The following JAKMIP3 variants were observed in gnomAD, a reference collection of about 807,000 sequenced individuals.
The protein encoded by JAKMIP3 is Janus kinase and microtubule interacting protein 3.
In JAKMIP3, 58 loss-of-function variants were observed where a neutral mutation model predicts 118.5. That is an observed-to-expected ratio of 0.49 (90% CI 0.40 to 0.61). The LOEUF (loss-of-function observed/expected upper bound fraction) is 0.61, where lower values mean the gene tolerates loss of function less well. Ranked by LOEUF, JAKMIP3 falls within the 20% of genes least tolerant of loss-of-function variation. The pLI is 0.00. For synonymous variants in JAKMIP3, 486 were observed against 451.2 expected (o/e 1.08, Z -0.98); for missense variants, 950 against 1,109.0 (o/e 0.86, Z 2.04).
chr10:132,159,717 T>TG (rs1554955251), intron 19 of JAKMIP3, among the ~76,000 whole-genome samples: 3 of 99,996 alleles, frequency 3.0e-5, no homozygotes, highest in African/African-American at 8.2e-5. Context: ...TGTGTGATGC[T>TG]GGGGGCATGT....
rs2056924543 is a variant in JAKMIP3, at chr10:132,155,135, G to A, written c.2220+1145G>A. Among the ~76,000 whole-genome samples the A allele has an allele frequency of 2.1e-5, 3 of 141,044 alleles. No individual in the cohort carries two copies. In the South Asian group the frequency reaches 7.3e-4, roughly 34 times the overall value. 92.5% of individuals were successfully genotyped at this position (141,044 alleles called of 152,430 possible). A position where few individuals can be genotyped will look rare whatever the true frequency, so the allele number is the denominator to read the frequency against. ...TGATGGTCATGATGATGGTGATGGTGGTGATATGGTGGTGATGATCATGAC... is the reference window on the plus strand; with the variant it reads ...TGATGGTCATGATGATGGTGATGGTAGTGATATGGTGGTGATGATCATGAC... On this transcript the variant is annotated intron_variant, in intron 19 of 23. Transcript: ENST00000684848.
chr10:132,134,803 T>G (rs766150758), intron 4 of JAKMIP3, among the ~76,000 whole-genome samples: 6 of 152,228 alleles, frequency 3.9e-5, no homozygotes, highest in Non-Finnish European at 7.3e-5. Context: ...TTAAAATAGT[T>G]GTGTGTGAGG....
chr10:132,081,770 G>A (rs139381787), intron 1 of JAKMIP3, among the ~76,000 whole-genome samples: 1 of 151,910 alleles, frequency 6.6e-6, no homozygotes, highest in Non-Finnish European at 1.5e-5. Flanking sequence ...AGGAGTCTTG[G>A]GGGGAGACGT....
chr10:132,105,537 A>T (rs2045769686), intron 2 of JAKMIP3, among the ~76,000 whole-genome samples: 1 of 124,154 alleles, frequency 8.1e-6, no homozygotes, highest in East Asian at 2.6e-4. Context: ...GCTGGCAGCC[A>T]AGGGGGTGGG....
chr10:132,142,965 C>T (rs535663004), intron 11 of JAKMIP3, among the ~76,000 whole-genome samples: 32 of 152,282 alleles, frequency 2.1e-4, no homozygotes, highest in Admixed American at 5.9e-4. Flanking sequence ...CACAGAGCAT[C>T]CCCAGCGTGG....
intron 5 of JAKMIP3, among the ~76,000 whole-genome samples, chr10:132,135,613 C>T (rs1022778858): frequency 6.6e-6 from 1 of 152,262 alleles, no homozygotes; most frequent in Non-Finnish European, 1.5e-5. Flanking sequence ...TGCTGGTCTT[C>T]ATCTTCATCC....
At chr10:132,084,272 C>T (rs539030998) in intron 1 of JAKMIP3, among the ~76,000 whole-genome samples, 2 of 152,170 alleles carry the variant, frequency 1.3e-5, no homozygotes, top group African/African-American at 4.8e-5. Context: ...TAGGTGTATT[C>T]CTAAGTATTT....
At chr10:132,145,030 T>C in intron 11 of JAKMIP3, 77 bp from the exon 12 acceptor site, 1 of 1,208,192 alleles carries the variant, frequency 8.3e-7, no homozygotes, top group Non-Finnish European at 1.2e-6. Flanking sequence ...CAGACCCTTC[T>C]GACGTCCCAC....
chr10:132,148,140 G>A, intron 14 of JAKMIP3, 90 bp downstream of exon 14: 1 of 673,166 alleles, frequency 1.5e-6, no homozygotes, highest in Non-Finnish European at 2.5e-6. Context: ...CCCTGAACAT[G>A]AACATGAACA....
intron 19 of JAKMIP3, among the ~76,000 whole-genome samples, chr10:132,158,700 G>A (rs2136324794): frequency 3.2e-5 from 4 of 124,444 alleles, no homozygotes; most frequent in South Asian, 6.2e-4. Flanking sequence ...ATCTTCCTGT[G>A]TGATGCTGTG....
chr10:132,149,434 C>A lies in JAKMIP3; in HGVS notation c.1871C>A (p.Ala624Asp). The A allele has an allele frequency of 6.2e-7, 1 of 1,605,204 alleles. No individual in the cohort carries two copies. Among genetic ancestry groups the A allele is most frequent in the Non-Finnish European group, 8.5e-7 (1 of 1,176,632 alleles). The change falls in exon 15 of 24, where the codon GCC (alanine) becomes GAC (aspartate). Residue 624 changes from alanine to aspartate, a missense_variant. Physicochemically the swap from Ala to Asp is moderately radical, Grantham distance 126 (BLOSUM62 -2). Transcript: ENST00000684848. ...ELEERERKSP[A>D]ISFHHTPFVD... ...TAGGAGAGGGAGAGGAAGTCACCCGCCATCAGCTTCCACCACACGCCCTTC... is the reference window on the plus strand; with the variant it reads ...TAGGAGAGGGAGAGGAAGTCACCCGACATCAGCTTCCACCACACGCCCTTC...
At position 132,112,380 on chromosome 10, in the gene JAKMIP3, A is replaced by T. The variant is rs1208594635; in HGVS notation, c.136-4697A>T. Among the ~76,000 whole-genome samples, 1 of 152,154 alleles carries T rather than the reference A, an allele frequency of 6.6e-6. No homozygotes were observed. The highest frequency in any genetic ancestry group is 1.9e-4 in the East Asian group (1 of 5,198). On this transcript the variant is annotated intron_variant, in intron 2 of 23. Coordinates refer to ENST00000684848, the MANE Select transcript of JAKMIP3 (RefSeq NM_001323087.2). This position sits in a 1 kb window ranked among gnomAD's most constrained non-coding sequence, Gnocchi z 4.3. ...CTGGGCACTCGGCTCGTCAGCTGGG[A>T]AGCCCAGAGAGGGCAGCGAGGAGGC...
chr10:132,041,473 G>A (rs773536015), intron 1 of JAKMIP3, among the ~76,000 whole-genome samples: 6 of 152,246 alleles, frequency 3.9e-5, no homozygotes, highest in Non-Finnish European at 7.3e-5. Context: ...CCCCGGACGG[G>A]CACAGCGGTA....
At chr10:132,058,288 C>G (rs1416811764) in intron 1 of JAKMIP3, among the ~76,000 whole-genome samples, 1 of 152,226 alleles carries the variant, frequency 6.6e-6, no homozygotes, top group Non-Finnish European at 1.5e-5. Flanking sequence ...CAGAGCTGAT[C>G]TCTGATGTGG....
chr10:132,162,880 A>C (rs1310211011), intron 19 of JAKMIP3, among the ~76,000 whole-genome samples: 1 of 151,856 alleles, frequency 6.6e-6, no homozygotes, highest in African/African-American at 2.4e-5. Context: ...GCTCCCTCCC[A>C]CCTTGCTGTA....
chr10:132,163,087 C>G, intron 19 of JAKMIP3, 122 bp from the exon 20 acceptor site: 1 of 941,204 alleles, frequency 1.1e-6, no homozygotes. Flanking sequence ...CTGGGTCCCT[C>G]CCTGTTGCAT....
intron 1 of JAKMIP3, among the ~76,000 whole-genome samples, chr10:132,075,564 C>T (rs144785006): frequency 0.015 from 2,353 of 152,140 alleles, 68 homozygotes; most frequent in African/African-American, 0.054. Flanking sequence ...CATGCACCAC[C>T]ACACTGGGCT....
chr10:132,132,494 A>G (rs1418078045), intron 3 of JAKMIP3, among the ~76,000 whole-genome samples: 2 of 151,068 alleles, frequency 1.3e-5, no homozygotes, highest in Non-Finnish European at 1.5e-5. Flanking sequence ...CGGCTGCCAT[A>G]TCCCCGGAAG....
intron 1 of JAKMIP3, among the ~76,000 whole-genome samples, chr10:132,052,388 T>G (rs890511567): frequency 2.0e-5 from 3 of 152,228 alleles, no homozygotes; most frequent in Non-Finnish European, 4.4e-5. Flanking sequence ...CTCCTTGAGT[T>G]TTCTTATGTA....
Sources: allele counts gnomAD v4.1 joint callset (sites outside exome capture counted in the v4.1 genomes callset), GRCh38; gene constraint gnomAD v4.1.1; non-coding constraint Gnocchi (gnomAD v3.1); transcripts MANE v1.5; gene names NCBI Gene and HGNC (gene_info 2026-07-23, HGNC 2026-07-21).